The following DYSF variants were observed in gnomAD, a reference collection of about 807,000 sequenced individuals.
DYSF encodes the protein dysferlin.
Under a neutral mutation model 274.9 loss-of-function variants are expected in DYSF, and 212 were observed. The ratio of observed to expected loss-of-function variants is 0.77; its 90% CI spans 0.69 to 0.86. The LOEUF (loss-of-function observed/expected upper bound fraction) is 0.86. DYSF is among the 40% of genes least tolerant of loss of function. DYSF has a pLI of 0.00. For synonymous variants in DYSF, 1,091 were observed against 1,078.7 expected (o/e 1.01, Z -0.22); for missense variants, 2,666 against 2,783.2 (o/e 0.96, Z 0.95).
At chr2:71,518,111 G>C (rs982952450) in intron 10 of DYSF, among the ~76,000 whole-genome samples, 2 of 152,112 alleles carry the variant, frequency 1.3e-5, no homozygotes, top group African/African-American at 4.8e-5. Context: ...GTGGAGAGAG[G>C]GGAACCCTGC....
Position 71,656,305 on chromosome 2 carries a change from A to G in DYSF, c.4755+15A>G. 3.7e-6 allele frequency: 6 copies of G among 1,613,534 alleles called. No individual in the cohort carries two copies. Among genetic ancestry groups the G allele is most frequent in the Non-Finnish European group, 5.1e-6 (6 of 1,179,890 alleles). On this transcript the variant is annotated intron_variant, in intron 43 of 55. Transcript: ENST00000410020. ...GTGAATTTAAGGTAAATCCTCGAAG[A>G]CGTCCCTAACCCAGGTGGGCCTAAG...
At chr2:71,549,663 C>T (rs1278990053) in intron 17 of DYSF, among the ~76,000 whole-genome samples, 1 of 150,968 alleles carries the variant, frequency 6.6e-6, no homozygotes, top group Non-Finnish European at 1.5e-5. Flanking sequence ...CGAGTTAGAC[C>T]ACTCTGTCTG....
intron 30 of DYSF, among the ~76,000 whole-genome samples, chr2:71,575,107 GGT>G (rs1036998689): frequency 3.3e-5 from 5 of 152,308 alleles, no homozygotes; most frequent in Admixed American, 2.6e-4. Context: ...GGGACGTGAG[GGT>G]GTCCATGTGA....
rs560469391 is a variant in DYSF, at chr2:71,571,493, C to T, written c.3228+752C>T. 8.6e-4 allele frequency among the ~76,000 whole-genome samples: 107 copies of T among 124,410 alleles called. 6 individuals carry two copies. Among genetic ancestry groups the T allele is most frequent in the African/African-American group, 2.6e-3 (69 of 26,478 alleles). The allele number at this position is 124,410 out of a possible 152,430, so 81.6% of individuals were successfully genotyped here. A position where few individuals can be genotyped will look rare whatever the true frequency, so the allele number is the denominator to read the frequency against. On this transcript the variant is annotated intron_variant, in intron 29 of 55. Coordinates refer to ENST00000410020, the MANE Select transcript of DYSF (RefSeq NM_001130987.2). ...CAGCACACACACATCACACCCAGCA[C>T]GCACAGATCACACCCACCACACACA...
At chr2:71,666,256 C>T (rs576258669) in intron 47 of DYSF, among the ~76,000 whole-genome samples, 3 of 152,196 alleles carry the variant, frequency 2.0e-5, no homozygotes, top group Non-Finnish European at 4.4e-5. Context: ...GAAACAAAAG[C>T]CAGAAAGCTA....
intron 1 of DYSF, among the ~76,000 whole-genome samples, chr2:71,459,566 T>G (rs1179110920): frequency 6.6e-6 from 1 of 152,116 alleles, no homozygotes; most frequent in Non-Finnish European, 1.5e-5. Flanking sequence ...GGTGCCACAT[T>G]CTCTGATTTT....
At chr2:71,561,726 G>T (rs190557937) in intron 22 of DYSF, 26 bp from the exon 23 acceptor site, 1 of 1,613,700 alleles carries the variant, frequency 6.2e-7, no homozygotes, top group Non-Finnish European at 8.5e-7. Flanking sequence ...CTCATCAGGC[G>T]CATTCCATCT....
rs75599232 is a variant in DYSF at position 71,567,905 on chromosome 2, G to A, written c.2566-46G>A. On this transcript the variant is annotated intron_variant, in intron 24 of 55. Coordinates refer to ENST00000410020, the MANE Select transcript of DYSF (RefSeq NM_001130987.2). ...TCCCCAGCCTCTCACTGGGACATCC[G>A]GATCCTGAAGGGGACTGTGGGTTTC... 1.6e-3 allele frequency: 2,601 copies of A among 1,608,806 alleles called. 36 individuals carry two copies. In the African/African-American group the frequency reaches 0.031, roughly 19 times the overall value.
Position 71,513,264 on chromosome 2 carries a change from C to G in DYSF, c.485C>G (p.Thr162Ser), listed in dbSNP as rs546965304. 21 of 1,551,622 alleles carry G rather than the reference C, an allele frequency of 1.4e-5. No homozygotes were observed. The African/African-American group carries it at 2.6e-4, about 19-fold the overall frequency. ...VAGGGQSRAE[T>S]WSLLSDSTMD... is the part of the protein sequence containing the mutation. Reference sequence around the variant, plus strand: ...GGCGGGGGACAGAGCCGGGCCGAGACTTGGTCCCTGCTCAGTGACAGCACC... The same window carrying G: ...GGCGGGGGACAGAGCCGGGCCGAGAGTTGGTCCCTGCTCAGTGACAGCACC... The change falls in exon 6 of 56, where the codon ACT becomes AGT. Residue 162 changes from threonine (T) to serine (S), a missense_variant. Transcript: ENST00000410020.
chr2:71,459,037 C>T (rs1480749162), intron 1 of DYSF, among the ~76,000 whole-genome samples: 1 of 152,174 alleles, frequency 6.6e-6, no homozygotes, highest in South Asian at 2.1e-4. Context: ...TACACAGGTC[C>T]CCTGTCAATT....
chr2:71,624,817 A>T (rs972539337), intron 41 of DYSF, among the ~76,000 whole-genome samples: 7 of 152,186 alleles, frequency 4.6e-5, no homozygotes, highest in Non-Finnish European at 1.5e-5. Flanking sequence ...ATTGTATAAG[A>T]TGCAACTGTC....
intron 12 of DYSF, among the ~76,000 whole-genome samples, chr2:71,522,457 C>T (rs1483984920): frequency 6.6e-6 from 1 of 152,100 alleles, no homozygotes; most frequent in African/African-American, 2.4e-5. Flanking sequence ...TTATTTGAAA[C>T]TGTCTCCTCC....
In DYSF at chr2:71,553,131, G is replaced by T. The variant is rs121908960; in HGVS notation, c.1927G>T (p.Asp643Tyr). The T allele has an allele frequency of 6.2e-7, 1 of 1,614,082 alleles. No homozygotes were observed. Among genetic ancestry groups the T allele is most frequent in the Non-Finnish European group, 8.5e-7 (1 of 1,180,022 alleles). Residue 643 changes from aspartate to tyrosine, a missense_variant, in exon 20 of 56, where the codon GAC becomes TAC. By Grantham distance (160) the Asp-to-Tyr change is radical. Around this residue, in one of 3 missense-constraint regions of DYSF, gnomAD observed 412 missense variants for 504.0 expected, o/e 0.82. Transcript: ENST00000410020. ...CATCGGGAACTACGGGAACAAGTTC[G>T]ACATGACCTGCCTGCCGCTGGCCTC... ...VSIGNYGNKF[D>Y]MTCLPLASTT...
chr2:71,524,391 T>C, intron 12 of DYSF, among the ~76,000 whole-genome samples: 1 of 152,324 alleles, frequency 6.6e-6, no homozygotes, highest in South Asian at 2.1e-4. Context: ...GTGCTTATTG[T>C]CTAGGGGAAT....
chr2:71,542,275 C>T (rs977660074), intron 17 of DYSF, among the ~76,000 whole-genome samples: 1 of 151,954 alleles, frequency 6.6e-6, no homozygotes, highest in African/African-American at 2.4e-5. Flanking sequence ...GATGGGCTTT[C>T]TATGTTGCTA....
At chr2:71,453,701 G>A (rs1437140608) in exon 1 of DYSF, 1 of 470,614 alleles carries the variant, frequency 2.1e-6, no homozygotes, top group Non-Finnish European at 3.9e-6. Flanking sequence ...ACAGCTCGAC[G>A]GAGCTCGGGA....
intron 28 of DYSF, 102 bp downstream of exon 28, chr2:71,570,436 C>A: frequency 7.0e-7 from 1 of 1,431,898 alleles, no homozygotes; most frequent in Non-Finnish European, 9.7e-7. Context: ...GGCTATTTCA[C>A]CCAGGGACGC....
intron 33 of DYSF, among the ~76,000 whole-genome samples, chr2:71,600,255 C>T (rs17655927): frequency 0.23 from 34,390 of 152,122 alleles, 4,826 homozygotes; most frequent in South Asian, 0.35. Flanking sequence ...ATTTGATGAA[C>T]GTGATCACAG....
intron 17 of DYSF, among the ~76,000 whole-genome samples, chr2:71,541,645 T>A (rs1282111526): frequency 6.6e-6 from 1 of 152,062 alleles, no homozygotes; most frequent in African/African-American, 2.4e-5. Context: ...TCTTTATTTT[T>A]AAAATTTCTT....
Sources: gnomAD v4.1 joint callset for allele counts (sites outside exome capture counted in the v4.1 genomes callset) on GRCh38, gnomAD v4.1.1 for gene constraint, gnomAD v4.1.1 regional missense constraint, MANE v1.5 for transcripts, NCBI Gene and HGNC (gene_info 2026-07-23, HGNC 2026-07-21) for gene names.